SP7: variants seen among roughly 807,000 people sequenced by gnomAD.
SP7 encodes transcription factor Sp7.
SP7 carries 13 observed loss-of-function variants against 27.9 expected under a neutral mutation model. The ratio of observed to expected loss-of-function variants is 0.47; its 90% confidence interval spans 0.30 to 0.74. The LOEUF (loss-of-function observed/expected upper bound fraction) is 0.74. Among genes scored for constraint, SP7 ranks in the 30% least tolerant of loss-of-function variants. The pLI, the probability that SP7 is intolerant of heterozygous loss-of-function variation, is 0.06. For missense variants in SP7, 525 were observed against 558.0 expected, an observed-to-expected ratio of 0.94 and a Z score of 0.60; for synonymous variants, 219 against 226.7, an observed-to-expected ratio of 0.97 and a Z score of 0.31.
chr12:53,329,810 C>A (rs541643882), intron 2 of SP7, among the ~76,000 whole-genome samples: 54 of 151,716 alleles, frequency 3.6e-4, no homozygotes, highest in Admixed American at 1.8e-3. Flanking sequence ...CGGCTCACTG[C>A]AACCTCCGCC....
upstream of SP7, among the ~76,000 whole-genome samples, chr12:53,339,550 C>A (rs569440727): frequency 8.6e-5 from 13 of 151,964 alleles, no homozygotes; most frequent in East Asian, 1.9e-3. Context: ...CATGGTGAAA[C>A]CCCGTCTCTA....
chr12:53,341,469 A>G lies in SP7; in HGVS notation c.-34+3645T>C, dbSNP rs544468355. Among the ~76,000 whole-genome samples the G allele has an allele frequency of 1.3e-4, 20 of 152,320 alleles. No individual in the cohort carries two copies. The East Asian group carries it at 3.7e-3, about 28-fold the overall frequency. On this transcript the variant is annotated intron_variant, in intron 1 of 1. Coordinates refer to the SP7 transcript ENST00000547755. Reference sequence around the variant, plus strand: ...GGATGCCCGTGTCTAAAATGGGACAACATTGAATTAAGTAAGAACCTGGTC... The same window carrying G: ...GGATGCCCGTGTCTAAAATGGGACAGCATTGAATTAAGTAAGAACCTGGTC...
intron 2 of SP7, among the ~76,000 whole-genome samples, chr12:53,333,476 T>C (rs1944729995): frequency 6.6e-6 from 1 of 151,894 alleles, no homozygotes; most frequent in African/African-American, 2.4e-5. Context: ...CCCAGGGAGC[T>C]CATGGTGCAG....
chr12:53,333,640 C>G (rs1040393907), intron 2 of SP7, among the ~76,000 whole-genome samples: 2 of 152,172 alleles, frequency 1.3e-5, no homozygotes, highest in African/African-American at 4.8e-5. Flanking sequence ...ATTCTCCTTT[C>G]CCACCTAGGC....
upstream of SP7, among the ~76,000 whole-genome samples, chr12:53,338,976 G>A (rs572532419): frequency 1.7e-4 from 26 of 152,280 alleles, no homozygotes; most frequent in African/African-American, 5.5e-4. Context: ...GCTGGGGGCA[G>A]CAATTGGAAG....
rs756851954 is a variant in SP7 at position 53,336,172 on chromosome 12, C to G, written c.-74G>C. ...TGGGGGAACCTGGGGCTGGCTGTCC[C>G]GAGTCTCTCCTCTCTGGAGGTCTGG... On this transcript the variant is annotated 5_prime_UTR_variant, in exon 1 of 3. Transcript: ENST00000536324. 2.7e-4 allele frequency: 45 copies of G among 165,010 alleles called. No homozygotes were observed. Among genetic ancestry groups the G allele is most frequent in the Non-Finnish European group, 3.4e-4 (25 of 74,522 alleles). 10.2% of individuals were successfully genotyped at this position (165,010 alleles called of 1,614,324 possible).
In SP7 at chr12:53,335,604, G is replaced by T. The variant is rs189358282; in HGVS notation, c.21+22C>A. 17,232 of 1,338,488 alleles carry T rather than the reference G, an allele frequency of 0.013. 173 individuals carry two copies. The highest frequency in any genetic ancestry group is 0.014 in the Non-Finnish European group (13,158 of 952,160). 82.9% of individuals were successfully genotyped at this position (1,338,488 alleles called of 1,614,324 possible). ...CCATTAAGGTTGTGGCTGGTTTCCT[G>T]GGGGGAAGAGGGGACAGTTACCTCA... On this transcript the variant is annotated intron_variant, in intron 2 of 2. Transcript: ENST00000536324.
chr12:53,339,470 A>G (rs1944803356), upstream of SP7, among the ~76,000 whole-genome samples: 1 of 150,208 alleles, frequency 6.7e-6, no homozygotes, highest in Non-Finnish European at 1.5e-5. Context: ...TCACGCCGGT[A>G]ATCCCAGCGC....
chr12:53,332,925 C>T (rs937177019), intron 2 of SP7, among the ~76,000 whole-genome samples: 12 of 152,174 alleles, frequency 7.9e-5, no homozygotes, highest in Non-Finnish European at 1.8e-4. Flanking sequence ...ACGCCGACGC[C>T]GTCCCCCGCC....
At position 53,334,029 on chromosome 12, in the gene SP7, G is replaced by A. The variant is rs923247807; in HGVS notation, c.21+1597C>T. 2.6e-5 allele frequency among the ~76,000 whole-genome samples: 4 copies of A among 152,148 alleles called. No individual in the cohort carries two copies. The South Asian group carries it at 6.2e-4, about 24-fold the overall frequency. ...TTGGCAACACTGGCATGATGCCCAC[G>A]CCCACTGACACTGTCCCTGCCCTGG... On this transcript the variant is annotated intron_variant, in intron 2 of 2. Transcript: ENST00000536324.
chr12:53,330,874 G>A (rs1944696364), intron 2 of SP7, among the ~76,000 whole-genome samples: 1 of 152,240 alleles, frequency 6.6e-6, no homozygotes, highest in Admixed American at 6.5e-5. Flanking sequence ...GGAAGTGATG[G>A]TGGAGACACT....
At chr12:53,340,961 G>A (rs774748121), upstream of SP7, among the ~76,000 whole-genome samples, 2 of 152,118 alleles carry the variant, frequency 1.3e-5, no homozygotes, top group African/African-American at 4.8e-5. Flanking sequence ...AGAGACTGCC[G>A]AGTGCCTTGA....
intron 2 of SP7, among the ~76,000 whole-genome samples, chr12:53,334,524 TGG>T (rs1195173681): frequency 2.6e-5 from 4 of 152,126 alleles, no homozygotes; most frequent in Non-Finnish European, 5.9e-5. Flanking sequence ...CCAGCACCCC[TGG>T]GCCTGAGCTA....
chr12:53,343,263 C>T (rs964232982), intron 1 of SP7, among the ~76,000 whole-genome samples: 17 of 151,638 alleles, frequency 1.1e-4, no homozygotes, highest in African/African-American at 4.1e-4. Context: ...GAGGGATTAA[C>T]AACTTTTGAG....
chr12:53,334,373 C>CACACACAT (rs1290039893), intron 2 of SP7, among the ~76,000 whole-genome samples: 76 of 151,344 alleles, frequency 5.0e-4, no homozygotes, highest in African/African-American at 1.8e-3. Context: ...CACACACACA[C>CACACACAT]ACTCTCAGGG....
chr12:53,338,199 C>T (rs111936967), upstream of SP7, among the ~76,000 whole-genome samples: 891 of 151,714 alleles, frequency 5.9e-3, 8 homozygotes, highest in Middle Eastern at 0.027. Context: ...TAATTGTGTC[C>T]GCTGATTACA....
intron 2 of SP7, among the ~76,000 whole-genome samples, chr12:53,330,032 C>A (rs1944686111): frequency 6.6e-6 from 1 of 151,848 alleles, no homozygotes. Flanking sequence ...CTGCGCCCGG[C>A]CTTTTCTTTT....
At chr12:53,335,019 G>C (rs913713013) in intron 2 of SP7, among the ~76,000 whole-genome samples, 7 of 152,134 alleles carry the variant, frequency 4.6e-5, no homozygotes, top group African/African-American at 1.7e-4. Flanking sequence ...TCACAGGCCT[G>C]GGCTCAGTTC....
intron 1 of SP7, among the ~76,000 whole-genome samples, chr12:53,342,272 A>C (rs1944830969): frequency 6.6e-6 from 1 of 152,018 alleles, no homozygotes; most frequent in African/African-American, 2.4e-5. Flanking sequence ...AAAAAAAAAA[A>C]ATTCCTAAAT....
Sources: allele counts gnomAD v4.1 joint callset (sites outside exome capture counted in the v4.1 genomes callset), GRCh38; gene constraint gnomAD v4.1.1; transcripts MANE v1.5; gene names NCBI Gene and HGNC (gene_info 2026-07-23, HGNC 2026-07-21).